The following CACNA2D2 variants were observed in gnomAD, a reference collection of about 807,000 sequenced individuals.
CACNA2D2 encodes the protein calcium voltage-gated channel auxiliary subunit alpha2delta 2, also known as voltage-dependent calcium channel subunit alpha-2/delta-2.
In CACNA2D2, 48 loss-of-function variants were observed where a neutral mutation model predicts 166.4. The observed-to-expected ratio is 0.29, with a 90% CI of 0.23 to 0.37. The LOEUF (loss-of-function observed/expected upper bound fraction) is 0.37, where lower values mean the gene tolerates loss of function less well. CACNA2D2 is among the 10% of genes least tolerant of loss of function. The pLI, the probability that CACNA2D2 is intolerant of heterozygous loss-of-function variation, is 1.00. For synonymous variants in CACNA2D2, 561 were observed against 573.7 expected (o/e 0.98, Z 0.32); for missense variants, 1,122 against 1,433.0 (o/e 0.78, Z 3.50).
At chr3:50,471,000 G>A (rs1710066480) in intron 2 of CACNA2D2, among the ~76,000 whole-genome samples, 1 of 152,122 alleles carries the variant, frequency 6.6e-6, no homozygotes, top group Non-Finnish European at 1.5e-5. Flanking sequence ...TAATATATGT[G>A]GGTTTTTAGG....
At position 50,489,952 on chromosome 3, in the gene CACNA2D2, G is replaced by A. The variant is rs115043473; in HGVS notation, c.206+13266C>T. Among the ~76,000 whole-genome samples, 429 of 152,318 alleles carry A rather than the reference G, an allele frequency of 2.8e-3. 2 individuals are homozygous for A. Among genetic ancestry groups the A allele is most frequent in the African/African-American group, 9.9e-3 (411 of 41,568 alleles). On this transcript the variant is annotated intron_variant, in intron 1 of 37. Transcript: ENST00000424201. ...CTCCCCCATGGACTGAGTGTCCCAA[G>A]AGCAGGGACCCAGTTGGCCCTTGGA...
intron 2 of CACNA2D2, among the ~76,000 whole-genome samples, chr3:50,463,961 C>T (rs901593018): frequency 2.0e-5 from 3 of 152,244 alleles, no homozygotes; most frequent in African/African-American, 2.4e-5. Context: ...AGGGGAGATG[C>T]TGAATCCAGA....
chr3:50,367,546 G>A lies in CACNA2D2; in HGVS notation c.2298-49C>T, dbSNP rs201152468. The A allele has an allele frequency of 1.2e-4, 191 of 1,607,474 alleles. 1 individual carries two copies. In the South Asian group the frequency reaches 1.9e-3, roughly 16 times the overall value. The stretch of plus-strand genomic sequence containing the variant: ...GGTAGGTAAGGGGTGGCTTGTCGGG[G>A]ACAGTGGTCTCCACAGATGCAAGGA... On this transcript the variant is annotated intron_variant, in intron 26 of 37. Transcript: ENST00000424201. This position sits in a 1 kb window ranked among gnomAD's most constrained non-coding sequence, Gnocchi z 6.5.
intron 1 of CACNA2D2, among the ~76,000 whole-genome samples, chr3:50,482,283 C>T (rs896285085): frequency 6.6e-6 from 1 of 152,212 alleles, no homozygotes; most frequent in Non-Finnish European, 1.5e-5. Context: ...CACTCCAGGA[C>T]GGTGGCATCT....
chr3:50,430,692 G>C (rs1030005653), intron 3 of CACNA2D2, among the ~76,000 whole-genome samples: 2 of 152,178 alleles, frequency 1.3e-5, no homozygotes, highest in Non-Finnish European at 2.9e-5. Context: ...TGTAGACTAG[G>C]ACCCAGCTGG....
chr3:50,377,520 T>G lies in CACNA2D2; in HGVS notation c.1573A>C (p.Met525Leu). Residue 525 changes from methionine to leucine, a missense_variant, in exon 17 of 38, where the codon ATG becomes CTG. Transcript: ENST00000424201. ...TCATTCAGAGCCACGTCAATGCCCA[T>G]CACGCCCAGGATCAGCTGGTTCTGG... ...EKKNQLILGVMGIDVALNDIK... is the reference protein window; with the variant it reads ...EKKNQLILGVLGIDVALNDIK... The G allele has an allele frequency of 6.2e-7, 1 of 1,613,332 alleles. No individual in the cohort carries two copies. Among genetic ancestry groups the G allele is most frequent in the Non-Finnish European group, 8.5e-7 (1 of 1,179,982 alleles).
chr3:50,387,198 G>A (rs375606089), intron 5 of CACNA2D2, among the ~76,000 whole-genome samples: 4 of 152,254 alleles, frequency 2.6e-5, no homozygotes, highest in Non-Finnish European at 2.9e-5. Context: ...AAATGCACCT[G>A]GACGTTCCTG....
intron 6 of CACNA2D2, among the ~76,000 whole-genome samples, chr3:50,383,826 G>A (rs1259919686): frequency 6.6e-6 from 1 of 152,240 alleles, no homozygotes; most frequent in Admixed American, 6.5e-5. Flanking sequence ...CTTGGGGGCA[G>A]GGAATGGGGA....
chr3:50,394,033 C>A, intron 4 of CACNA2D2, 76 bp downstream of exon 4: 1 of 1,357,136 alleles, frequency 7.4e-7, no homozygotes, highest in South Asian at 1.2e-5. Context: ...GTCTGGGCAG[C>A]TCCCACCCCC....
chr3:50,481,807 G>A (rs983190963), intron 1 of CACNA2D2, among the ~76,000 whole-genome samples: 1 of 152,022 alleles, frequency 6.6e-6, no homozygotes, highest in Non-Finnish European at 1.5e-5. Flanking sequence ...ACCAGGCTGG[G>A]CAACACGGTG....
intron 3 of CACNA2D2, among the ~76,000 whole-genome samples, chr3:50,415,102 C>A (rs973380748): frequency 6.6e-6 from 1 of 152,196 alleles, no homozygotes; most frequent in Non-Finnish European, 1.5e-5. Context: ...GTGTGATAGG[C>A]AGGCTAGGAA....
chr3:50,453,086 C>T (rs1442863163), intron 2 of CACNA2D2, among the ~76,000 whole-genome samples: 1 of 152,166 alleles, frequency 6.6e-6, no homozygotes, highest in Admixed American at 6.5e-5. Context: ...GGGTCCAGAA[C>T]GAGTCCATGA....
intron 2 of CACNA2D2, among the ~76,000 whole-genome samples, chr3:50,465,357 T>C (rs965646947): frequency 1.3e-5 from 2 of 152,210 alleles, no homozygotes; most frequent in African/African-American, 4.8e-5. Context: ...TGGAGCATAA[T>C]GAAGGCTCCT....
intron 3 of CACNA2D2, among the ~76,000 whole-genome samples, chr3:50,408,431 T>C (rs1706826677): frequency 6.6e-6 from 1 of 152,188 alleles, no homozygotes; most frequent in Non-Finnish European, 1.5e-5. Context: ...CCGGGGATGA[T>C]GCTGAGGGCC....
intron 2 of CACNA2D2, among the ~76,000 whole-genome samples, chr3:50,435,944 CTGGGCCCT>C (rs1043123259): frequency 3.3e-5 from 5 of 152,218 alleles, no homozygotes; most frequent in African/African-American, 4.8e-5. Flanking sequence ...CCCTGGGCCC[CTGGGCCCT>C]GCCTCAGGAC....
intron 3 of CACNA2D2, among the ~76,000 whole-genome samples, chr3:50,414,520 C>T (rs1295478856): frequency 6.6e-6 from 1 of 151,926 alleles, no homozygotes; most frequent in Non-Finnish European, 1.5e-5. Context: ...ACAGGGCAGC[C>T]CCCCTTCCAA....
At chr3:50,443,068 G>T (rs1038960351) in intron 2 of CACNA2D2, among the ~76,000 whole-genome samples, 1 of 152,202 alleles carries the variant, frequency 6.6e-6, no homozygotes, top group Non-Finnish European at 1.5e-5. Context: ...CCCCCTCCCT[G>T]AGTTGGGAGC....
rs1238265628 is a variant in CACNA2D2, at chr3:50,377,715, C to A, written c.1551+17G>T. ...TCCCCAGGCACACCCATAGCCCCAA[C>A]CCTCCCCTTTCCTCACCTTCTTTTC... is the stretch of plus-strand genomic sequence containing the variant. On this transcript the variant is annotated intron_variant, in intron 16 of 37. Transcript: ENST00000424201. 1.2e-6 allele frequency: 2 copies of A among 1,607,414 alleles called. No homozygotes were observed. Among genetic ancestry groups the A allele is most frequent in the Admixed American group, 1.7e-5 (1 of 59,748 alleles).
chr3:50,411,347 C>G (rs6767505), intron 3 of CACNA2D2, among the ~76,000 whole-genome samples: 15,267 of 152,222 alleles, frequency 0.1, 2,245 homozygotes, highest in African/African-American at 0.32. Flanking sequence ...CTTTCTGCTA[C>G]CATGTCCGTG....
Sources: allele counts gnomAD v4.1 joint callset (sites outside exome capture counted in the v4.1 genomes callset), GRCh38; gene constraint gnomAD v4.1.1; non-coding constraint Gnocchi (gnomAD v3.1); transcripts MANE v1.5; gene names NCBI Gene and HGNC (gene_info 2026-07-23, HGNC 2026-07-21).